Variants in GRM7 observed in about 807,000 individuals in gnomAD.
GRM7 encodes the protein metabotropic glutamate receptor 7.
A neutral mutation model predicts 84.5 loss-of-function variants in GRM7; 35 were observed. The ratio of observed to expected loss-of-function variants is 0.41; its 90% CI spans 0.32 to 0.55. The LOEUF (loss-of-function observed/expected upper bound fraction) is 0.55. GRM7 is among the 20% of genes least tolerant of loss of function. The probability of loss-of-function intolerance (pLI) is 0.19; values close to 1 mark genes in which losing one functional copy is unlikely to be tolerated. For synonymous variants in GRM7, 487 were observed against 455.1 expected (o/e 1.07, Z -0.89); for missense variants, 1,003 against 1,194.6 (o/e 0.84, Z 2.36).
At chr3:7,734,697 G>A (rs1437465710) in intron 9 of GRM7, among the ~76,000 whole-genome samples, 1 of 152,188 alleles carries the variant, frequency 6.6e-6, no homozygotes, top group Non-Finnish European at 1.5e-5. Context: ...TCTCCTGGGA[G>A]ATGGAGAAAG....
At chr3:7,219,326 A>C (rs1420812452) in intron 2 of GRM7, among the ~76,000 whole-genome samples, 1 of 152,230 alleles carries the variant, frequency 6.6e-6, no homozygotes, top group Non-Finnish European at 1.5e-5. Context: ...CAGAACAGAC[A>C]GAGCTCATAT....
chr3:7,042,059 C>G (rs1696642195), intron 1 of GRM7, among the ~76,000 whole-genome samples: 1 of 152,162 alleles, frequency 6.6e-6, no homozygotes, highest in Non-Finnish European at 1.5e-5. Context: ...ACCTCCCATA[C>G]CTCGCCCTAT....
At chr3:7,097,720 G>C (rs747008715) in intron 1 of GRM7, among the ~76,000 whole-genome samples, 2 of 151,988 alleles carry the variant, frequency 1.3e-5, no homozygotes, top group African/African-American at 4.8e-5. Context: ...TAAAAACTTC[G>C]CTGTGAGGTC....
chr3:7,564,012 G>C (rs1336194781), intron 7 of GRM7, among the ~76,000 whole-genome samples: 1 of 152,110 alleles, frequency 6.6e-6, no homozygotes, highest in Non-Finnish European at 1.5e-5. Flanking sequence ...AGAGAAAGCA[G>C]AGTAAAGGAA....
chr3:7,040,807 G>A (rs980124233), intron 1 of GRM7, among the ~76,000 whole-genome samples: 1 of 151,912 alleles, frequency 6.6e-6, no homozygotes, highest in Non-Finnish European at 1.5e-5. Context: ...GTCAGGCCAG[G>A]TGCAGTGGCT....
At chr3:6,943,957 T>G (rs1221809694) in intron 1 of GRM7, among the ~76,000 whole-genome samples, 9 of 152,254 alleles carry the variant, frequency 5.9e-5, no homozygotes, top group Admixed American at 2.0e-4. Context: ...ATGATATTTT[T>G]GAAAACTATT....
At chr3:7,703,505 C>A (rs1701294398) in intron 9 of GRM7, among the ~76,000 whole-genome samples, 1 of 151,856 alleles carries the variant, frequency 6.6e-6, no homozygotes, top group Admixed American at 6.6e-5. Flanking sequence ...AGAGATGGCT[C>A]TGCCACTTCC....
At chr3:7,692,268 A>G (rs1403168003) in intron 9 of GRM7, among the ~76,000 whole-genome samples, 1 of 152,212 alleles carries the variant, frequency 6.6e-6, no homozygotes, top group Non-Finnish European at 1.5e-5. Flanking sequence ...TTCGACAGGT[A>G]GCTCCTGGCC....
intron 7 of GRM7, among the ~76,000 whole-genome samples, chr3:7,573,037 G>A (rs918473251): frequency 1.3e-5 from 2 of 150,864 alleles, no homozygotes; most frequent in African/African-American, 4.9e-5. Flanking sequence ...GCTACTTAAT[G>A]TTCAGAAATA....
At chr3:7,532,530 G>T (rs1575461583) in intron 7 of GRM7, among the ~76,000 whole-genome samples, 1 of 151,778 alleles carries the variant, frequency 6.6e-6, no homozygotes, top group East Asian at 1.9e-4. Flanking sequence ...TATTAGTCTG[G>T]CTAGCAGTCT....
rs200340995 is a variant in GRM7, at chr3:7,695,429, A to AT, written c.2698+15143dup. On this transcript the variant is annotated intron_variant, in intron 9 of 9. Transcript: ENST00000357716. ...AAGGCACTCAGCCGAGGAAGTCTAC[A>AT]TTTTTTTTTAGCCCTGAAGTCCTCA... Among the ~76,000 whole-genome samples the AT allele has an allele frequency of 7.0e-3, 1,059 of 151,446 alleles. 9 individuals carry two copies. The highest frequency in any genetic ancestry group is 0.024 in the African/African-American group (994 of 41,318).
At chr3:7,704,733 C>A (rs997653237) in intron 9 of GRM7, among the ~76,000 whole-genome samples, 3 of 152,110 alleles carry the variant, frequency 2.0e-5, no homozygotes, top group African/African-American at 7.2e-5. Context: ...TGGACCTAGA[C>A]CTGCCAGAAT....
intron 4 of GRM7, among the ~76,000 whole-genome samples, chr3:7,332,817 C>G (rs1508715): frequency 1.3e-5 from 2 of 152,120 alleles, no homozygotes; most frequent in East Asian, 1.9e-4. Flanking sequence ...CCCCACCCAA[C>G]GAGAGTCTGA....
chr3:6,921,378 TGGTTTCAATAAGCCAA>T (rs1369288166), intron 1 of GRM7, among the ~76,000 whole-genome samples: 2 of 152,186 alleles, frequency 1.3e-5, no homozygotes, highest in African/African-American at 2.4e-5. Flanking sequence ...AATGCCGGGC[TGGTTTCAATAAGCCAA>T]GTCCTTTTTC....
chr3:7,052,792 A>G (rs1021726131), intron 1 of GRM7, among the ~76,000 whole-genome samples: 1 of 138,616 alleles, frequency 7.2e-6, no homozygotes, highest in African/African-American at 2.8e-5. Context: ...GCTGTTCCCT[A>G]GATGATGGGC....
At chr3:7,625,892 G>A (rs1382356417) in intron 8 of GRM7, among the ~76,000 whole-genome samples, 2 of 152,154 alleles carry the variant, frequency 1.3e-5, no homozygotes, top group Non-Finnish European at 2.9e-5. Context: ...ATCAGCAAAG[G>A]GAGAAATTAC....
At chr3:7,002,187 A>G (rs1447901997) in intron 1 of GRM7, among the ~76,000 whole-genome samples, 1 of 152,178 alleles carries the variant, frequency 6.6e-6, no homozygotes, top group African/African-American at 2.4e-5. Flanking sequence ...AAGAGAAGGT[A>G]TTATCTAAGG....
intron 8 of GRM7, among the ~76,000 whole-genome samples, chr3:7,631,827 A>G (rs1186762602): frequency 6.6e-6 from 1 of 152,170 alleles, no homozygotes; most frequent in Non-Finnish European, 1.5e-5. Flanking sequence ...GGGTTGACCT[A>G]GGCCGTAATA....
chr3:7,661,996 AC>A, intron 8 of GRM7, among the ~76,000 whole-genome samples: 1 of 152,112 alleles, frequency 6.6e-6, no homozygotes, highest in Non-Finnish European at 1.5e-5. Flanking sequence ...ACTGGAAGCA[AC>A]CCAAATGTCT....
Sources: gnomAD v4.1 joint callset for allele counts (sites outside exome capture counted in the v4.1 genomes callset) on GRCh38, gnomAD v4.1.1 for gene constraint, MANE v1.5 for transcripts, NCBI Gene and HGNC (gene_info 2026-07-23, HGNC 2026-07-21) for gene names.